The following IL22RA2 variants were observed in gnomAD, a reference collection of about 807,000 sequenced individuals.
IL22RA2 encodes the protein interleukin 22 receptor subunit alpha 2.
In IL22RA2, 39 loss-of-function variants were observed where a neutral mutation model predicts 30.7. The observed-to-expected ratio is 1.27, with a 90% confidence interval of 0.98 to 1.66. The LOEUF (loss-of-function observed/expected upper bound fraction) is 1.66, where lower values mean the gene tolerates loss of function less well. IL22RA2 is among the 40% of genes most tolerant of loss of function. The pLI, the probability that IL22RA2 is intolerant of heterozygous loss-of-function variation, is 0.00. For missense variants in IL22RA2, 315 were observed against 312.7 expected, an observed-to-expected ratio of 1.01 and a Z score of -0.05; for synonymous variants, 103 against 105.0, an observed-to-expected ratio of 0.98 and a Z score of 0.11.
chr6:137,171,643 G>A (rs1317210800), intron 1 of IL22RA2, among the ~76,000 whole-genome samples: 1 of 152,192 alleles, frequency 6.6e-6, no homozygotes, highest in Non-Finnish European at 1.5e-5. Flanking sequence ...GAGACTGTGA[G>A]GCCTTGGGTG....
At chr6:137,171,627 G>C (rs1038102192) in intron 1 of IL22RA2, among the ~76,000 whole-genome samples, 1 of 152,212 alleles carries the variant, frequency 6.6e-6, no homozygotes. Context: ...AGACACTCGG[G>C]TGCCTGAGAC....
chr6:137,154,153 A>G (rs1778349632), intron 5 of IL22RA2, among the ~76,000 whole-genome samples: 1 of 152,204 alleles, frequency 6.6e-6, no homozygotes, highest in East Asian at 1.9e-4. Context: ...AGGAATAAAT[A>G]TCCTTCAGGA....
At chr6:137,165,612 G>A (rs1778612017) in intron 1 of IL22RA2, among the ~76,000 whole-genome samples, 1 of 152,164 alleles carries the variant, frequency 6.6e-6, no homozygotes, top group Non-Finnish European at 1.5e-5. Flanking sequence ...CAGGACAAGA[G>A]GGCCAACTTA....
At position 137,151,263 on chromosome 6, in the gene IL22RA2, T is replaced by C. The variant is rs28385777; in HGVS notation, c.473-3372A>G. The stretch of plus-strand genomic sequence containing the variant: ...TAGAATTGAGAGTCTGGAAATAAAC[T>C]ACACGTCTATGGTCTATTGATTTTC... On this transcript the variant is annotated intron_variant, in intron 5 of 6. Coordinates refer to ENST00000296980, the MANE Select transcript of IL22RA2 (RefSeq NM_052962.3). 8.3e-3 allele frequency among the ~76,000 whole-genome samples: 1,262 copies of C among 152,304 alleles called. 30 individuals carry two copies. Among genetic ancestry groups the C allele is most frequent in the African/African-American group, 0.029 (1,194 of 41,558 alleles).
intron 4 of IL22RA2, among the ~76,000 whole-genome samples, chr6:137,155,394 G>T (rs1462216951): frequency 6.6e-6 from 1 of 151,952 alleles, no homozygotes; most frequent in Non-Finnish European, 1.5e-5. Context: ...ATGTCTAAGA[G>T]CCATAAGAGC....
chr6:137,144,123 C>T lies in IL22RA2; in HGVS notation c.*1501G>A, dbSNP rs1169110980. 3 of 152,198 alleles carry T rather than the reference C, an allele frequency of 2.0e-5. No individual in the cohort carries two copies. The highest frequency in any genetic ancestry group is 2.9e-5 in the Non-Finnish European group (2 of 68,022). 9.4% of individuals were successfully genotyped at this position (152,198 alleles called of 1,614,324 possible). Reference sequence around the variant, plus strand: ...ACTACTCTTAATTCATCGCCCTCTCCACAAAAGGACAAAAGGCAAAAAAGG... The same window carrying T: ...ACTACTCTTAATTCATCGCCCTCTCTACAAAAGGACAAAAGGCAAAAAAGG... On this transcript the variant is annotated 3_prime_UTR_variant, in exon 7 of 7. Transcript: ENST00000296980.
At position 137,145,864 on chromosome 6, in the gene IL22RA2, C is replaced by A; in HGVS notation, c.643-91G>T. On this transcript the variant is annotated intron_variant, in intron 6 of 6. Transcript: ENST00000296980. The stretch of plus-strand genomic sequence containing the variant: ...TTTAAATTAACAAGTTGTACATGGT[C>A]ACAGCAGTAGATGGGTTGTGGGGTT... 3 of 1,336,452 alleles carry A rather than the reference C, an allele frequency of 2.2e-6. No individual in the cohort carries two copies. The South Asian group carries it at 3.6e-5, about 16-fold the overall frequency. The allele number at this position is 1,336,452 out of a possible 1,614,324, so 82.8% of individuals were successfully genotyped here.
intron 1 of IL22RA2, among the ~76,000 whole-genome samples, chr6:137,162,489 C>A (rs952937173): frequency 1.1e-4 from 16 of 152,154 alleles, no homozygotes; most frequent in African/African-American, 3.9e-4. Flanking sequence ...CCTGTCAAAC[C>A]ACATGATTCC....
chr6:137,162,871 C>A (rs888647014), intron 1 of IL22RA2, among the ~76,000 whole-genome samples: 1 of 152,262 alleles, frequency 6.6e-6, no homozygotes, highest in Non-Finnish European at 1.5e-5. Flanking sequence ...ATGCCATTAC[C>A]CTGTAGACCT....
intron 5 of IL22RA2, among the ~76,000 whole-genome samples, chr6:137,152,031 T>A (rs1354713471): frequency 1.3e-5 from 2 of 152,170 alleles, no homozygotes; most frequent in East Asian, 1.9e-4. Flanking sequence ...TCCACTCCTA[T>A]GTATATATTG....
At chr6:137,168,929 T>C (rs1383388688) in intron 1 of IL22RA2, among the ~76,000 whole-genome samples, 4 of 152,214 alleles carry the variant, frequency 2.6e-5, no homozygotes, top group African/African-American at 9.6e-5. Flanking sequence ...TTCAAATTCC[T>C]CCTATATCAA....
rs28741417 is a variant in IL22RA2, at chr6:137,152,110, G to A, written c.472+2831C>T. ...GCCTGATAGTCCTTGGTACTTGGGA[G>A]GCTGAGGTGGAAGGATTGCTGGAGC... On this transcript the variant is annotated intron_variant, in intron 5 of 6. Coordinates refer to ENST00000296980, the MANE Select transcript of IL22RA2 (RefSeq NM_052962.3). Among the ~76,000 whole-genome samples, 872 of 152,228 alleles carry A rather than the reference G, an allele frequency of 5.7e-3. 17 individuals carry two copies. The highest frequency in any genetic ancestry group is 0.02 in the African/African-American group (826 of 41,518).
chr6:137,144,872 T>C lies in IL22RA2; in HGVS notation c.*752A>G, dbSNP rs563165121. 6.6e-6 allele frequency: 1 copy of C among 152,272 alleles called. No individual in the cohort carries two copies. The highest frequency in any genetic ancestry group is 2.4e-5 in the African/African-American group (1 of 41,574). The allele number at this position is 152,272 out of a possible 1,614,324, so 9.4% of individuals were successfully genotyped here. A position where few individuals can be genotyped will look rare whatever the true frequency, so the allele number is the denominator to read the frequency against. ...AAAGATAAGTTCTTCTAAGACAGGA[T>C]TAAAAACTAAACAAAACAAAAACAA... On this transcript the variant is annotated 3_prime_UTR_variant, in exon 7 of 7. Transcript: ENST00000296980.
intron 2 of IL22RA2, among the ~76,000 whole-genome samples, chr6:137,158,792 T>C (rs1778462385): frequency 6.6e-6 from 1 of 152,038 alleles, no homozygotes; most frequent in Non-Finnish European, 1.5e-5. Context: ...TCCCAAATAG[T>C]GATGGAATAT....
chr6:137,156,826 G>C lies in IL22RA2; in HGVS notation c.226C>G (p.His76Asp). 6.2e-7 allele frequency: 1 copy of C among 1,613,800 alleles called. No homozygotes were observed. The highest frequency in any genetic ancestry group is 1.1e-5 in the South Asian group (1 of 91,070). The stretch of plus-strand genomic sequence containing the variant: ...TGCCAGCATCCACTTGGCTTCTGGT[G>C]AGAGCTTTTCATGCTGCATGAGAAC... ...IMFSCSMKSS[H>D]QKPSGCWQHI... Residue 76 changes from histidine to aspartate, a missense_variant, in exon 4 of 7, where the codon CAC becomes GAC. Physicochemically the swap from His to Asp is moderately conservative, Grantham distance 81. Transcript: ENST00000296980.
intron 1 of IL22RA2, among the ~76,000 whole-genome samples, chr6:137,172,051 A>G (rs1778745899): frequency 6.6e-6 from 1 of 152,206 alleles, no homozygotes; most frequent in African/African-American, 2.4e-5. Flanking sequence ...TTCCCTGCTA[A>G]TGTTTACCAC....
intron 1 of IL22RA2, among the ~76,000 whole-genome samples, chr6:137,164,981 A>G (rs999811260): frequency 6.6e-6 from 1 of 152,106 alleles, no homozygotes; most frequent in Non-Finnish European, 1.5e-5. Context: ...TTCTGTCATT[A>G]TTTAATATGG....
At chr6:137,155,522 A>T (rs1006044791) in intron 4 of IL22RA2, among the ~76,000 whole-genome samples, 1 of 150,290 alleles carries the variant, frequency 6.7e-6, no homozygotes, top group Non-Finnish European at 1.5e-5. Flanking sequence ...ATATATATAA[A>T]ATATAAAATA....
intron 5 of IL22RA2, among the ~76,000 whole-genome samples, chr6:137,150,069 T>C (rs1278063679): frequency 6.6e-6 from 1 of 152,178 alleles, no homozygotes; most frequent in Non-Finnish European, 1.5e-5. Flanking sequence ...CTGAAGAAAG[T>C]TTACTTTGTT....
Sources: allele counts gnomAD v4.1 joint callset (sites outside exome capture counted in the v4.1 genomes callset), GRCh38; gene constraint gnomAD v4.1.1; transcripts MANE v1.5; gene names NCBI Gene and HGNC (gene_info 2026-07-23, HGNC 2026-07-21).